Variants in GAREM2 observed in about 807,000 individuals in gnomAD.
GAREM2 encodes GRB2 associated regulator of MAPK1 subtype 2.
A neutral mutation model predicts 55.6 loss-of-function variants in GAREM2; 30 were observed. That is an observed-to-expected ratio of 0.54 (90% CI 0.40 to 0.73). The LOEUF is 0.73. Among genes scored for constraint, GAREM2 ranks in the 30% least tolerant of loss-of-function variants. The probability of loss-of-function intolerance (pLI) is 0.00; values close to 1 mark genes in which losing one functional copy is unlikely to be tolerated. For synonymous variants in GAREM2, 550 were observed against 569.1 expected (o/e 0.97, Z 0.48); for missense variants, 1,075 against 1,257.7 (o/e 0.85, Z 2.20).
chr2:26,176,355 G>A lies in GAREM2; in HGVS notation c.124G>A (p.Glu42Lys), dbSNP rs772698775. 13 of 1,544,676 alleles carry A rather than the reference G, an allele frequency of 8.4e-6. No homozygotes were observed. Among genetic ancestry groups the A allele is most frequent in the Admixed American group, 2.0e-5 (1 of 50,348 alleles). The change falls in exon 2 of 6, where the codon GAG becomes AAG. Residue 42 changes from glutamate (E) to lysine (K), a missense_variant. By Grantham distance (56) the Glu-to-Lys change is moderately conservative (BLOSUM62 1). Around this residue, in one of 6 missense-constraint regions of GAREM2, gnomAD observed 230 missense variants for 310.6 expected, o/e 0.74. Transcript: ENST00000401533. ...LACLGPGEYA[E>K]GVSERDILLI... Reference sequence around the variant, plus strand: ...CTCCCCCTTCCCAGGGGAGTACGCCGAGGGCGTCAGTGAGCGAGACATCCT... The same window carrying A: ...CTCCCCCTTCCCAGGGGAGTACGCCAAGGGCGTCAGTGAGCGAGACATCCT...
downstream of GAREM2, chr2:26,193,838 G>A: frequency 7.9e-7 from 1 of 1,269,670 alleles, no homozygotes; most frequent in East Asian, 2.3e-5. Context: ...AGGGCTCCCT[G>A]TACTGGCTCC....
chr2:26,179,992 T>C lies in GAREM2; in HGVS notation c.254-2975T>C, dbSNP rs1668991771. On this transcript the variant is annotated intron_variant, in intron 2 of 5. Coordinates refer to ENST00000401533, the MANE Select transcript of GAREM2 (RefSeq NM_001168241.2). The surrounding 1 kb of genome is among the most constrained non-coding windows in gnomAD (Gnocchi z 4.7). ...TGAGGGGAGGAGGCTACTCAGTGCC[T>C]GCAGTTCCTGCTTCCCAAGTCCTAG... 6.6e-6 allele frequency among the ~76,000 whole-genome samples: 1 copy of C among 152,130 alleles called. No individual in the cohort carries two copies. The highest frequency in any genetic ancestry group is 2.1e-4 in the South Asian group (1 of 4,830).
Position 26,186,582 on chromosome 2 carries a change from T to C in GAREM2, c.1598+224T>C, listed in dbSNP as rs151296984. ...TGCCCACTTCAGCTTCTTTCTCTCT[T>C]AAATGTTGAGGAACGGATGGGAGCA... On this transcript the variant is annotated intron_variant, in intron 5 of 5. Coordinates refer to ENST00000401533, the MANE Select transcript of GAREM2 (RefSeq NM_001168241.2). 1.3e-3 allele frequency among the ~76,000 whole-genome samples: 192 copies of C among 152,274 alleles called. 1 individual carries two copies. Among genetic ancestry groups the C allele is most frequent in the South Asian group, 4.6e-3 (22 of 4,826 alleles).
chr2:26,198,546 C>A, the GAREM2 span, among the ~76,000 whole-genome samples: 1 of 151,664 alleles, frequency 6.6e-6, no homozygotes, highest in African/African-American at 2.4e-5. Flanking sequence ...AAATCTGGAA[C>A]AGGCAGAATC....
the GAREM2 span, among the ~76,000 whole-genome samples, chr2:26,202,634 G>A: frequency 2.7e-3 from 416 of 152,316 alleles, 1 homozygote; most frequent in Non-Finnish European, 4.6e-3. Flanking sequence ...TCAGCTATTC[G>A]TGAGGCTGAG....
At chr2:26,200,153 A>G in the GAREM2 span, among the ~76,000 whole-genome samples, 23 of 152,002 alleles carry the variant, frequency 1.5e-4, no homozygotes, top group Non-Finnish European at 2.5e-4. Flanking sequence ...TTGTTTGTTT[A>G]TTTATTTATT....
the GAREM2 span, chr2:26,197,844 G>A: frequency 2.4e-6 from 2 of 816,992 alleles, no homozygotes; most frequent in Non-Finnish European, 4.4e-6. Context: ...CCACATCAAA[G>A]CTAATGAGTG....
rs1467016043 is a variant in GAREM2 at position 26,179,812 on chromosome 2, G to C, written c.254-3155G>C. On this transcript the variant is annotated intron_variant, in intron 2 of 5. Coordinates refer to ENST00000401533, the MANE Select transcript of GAREM2 (RefSeq NM_001168241.2). This position sits in a 1 kb window ranked among gnomAD's most constrained non-coding sequence, Gnocchi z 4.7. ...TGGTGCTGGATGCCATGGTTACATC[G>C]ATCTTTCCTGCCACATCCTCCCCCA... 6.6e-6 allele frequency among the ~76,000 whole-genome samples: 1 copy of C among 152,110 alleles called. No homozygotes were observed. Among genetic ancestry groups the C allele is most frequent in the Non-Finnish European group, 1.5e-5 (1 of 67,984 alleles).
At chr2:26,191,253 C>G (rs779065171), downstream of GAREM2, 1 of 1,612,470 alleles carries the variant, frequency 6.2e-7, no homozygotes, top group Non-Finnish European at 8.5e-7. Context: ...GGCCTGCTCA[C>G]TGGTAGAACT....
the GAREM2 span, chr2:26,204,122 G>A: frequency 6.2e-7 from 1 of 1,613,784 alleles, no homozygotes; most frequent in Non-Finnish European, 8.5e-7. Flanking sequence ...TTTAAGTATA[G>A]TCTTTAGCCC....
Position 26,176,346 on chromosome 2 carries a change from G to T in GAREM2, c.115G>T (p.Glu39Ter). The T allele has an allele frequency of 6.5e-7, 1 of 1,539,886 alleles. No homozygotes were observed. The highest frequency in any genetic ancestry group is 8.8e-7 in the Non-Finnish European group (1 of 1,140,390). The change falls in exon 2 of 6, where the codon GAG becomes TAG. Residue 39 changes from glutamate to a stop codon, truncating the protein, a stop_gained and splice_region_variant. Transcript: ENST00000401533. LOFTEE classifies it high-confidence loss of function. ...LPTLACLGPG[E>*]YAEGVSERDI... Reference sequence around the variant, plus strand: ...TCTGTCCTCCTCCCCCTTCCCAGGGGAGTACGCCGAGGGCGTCAGTGAGCG... The same window carrying T: ...TCTGTCCTCCTCCCCCTTCCCAGGGTAGTACGCCGAGGGCGTCAGTGAGCG...
At chr2:26,181,564 C>T (rs556362080) in intron 2 of GAREM2, 4 of 152,352 alleles carry the variant, frequency 2.6e-5, no homozygotes, top group Admixed American at 6.5e-5. Flanking sequence ...CTGTATTTTA[C>T]ACAGATTTGT....
the GAREM2 span, among the ~76,000 whole-genome samples, chr2:26,197,072 C>T: frequency 6.6e-6 from 1 of 152,182 alleles, no homozygotes; most frequent in Non-Finnish European, 1.5e-5. Flanking sequence ...TTTTATAATT[C>T]CTGCCTACCT....
chr2:26,204,223 C>T, the GAREM2 span: 5,480 of 1,610,402 alleles, frequency 3.4e-3, 14 homozygotes, highest in Non-Finnish European at 3.6e-3. Context: ...AAATGACTTT[C>T]GGTAAACTGA....
chr2:26,193,739 T>C (rs1408040309), downstream of GAREM2: 1 of 1,614,046 alleles, frequency 6.2e-7, no homozygotes, highest in African/African-American at 1.3e-5. Context: ...AAGCTTGTGG[T>C]CAGGGAATCC....
At chr2:26,199,728 C>T in the GAREM2 span, among the ~76,000 whole-genome samples, 1 of 152,066 alleles carries the variant, frequency 6.6e-6, no homozygotes, top group Non-Finnish European at 1.5e-5. Flanking sequence ...AATTATTTAT[C>T]TTTTTTTCTT....
downstream of GAREM2, among the ~76,000 whole-genome samples, chr2:26,194,318 TG>T (rs1002481883): frequency 1.3e-5 from 2 of 151,988 alleles, no homozygotes; most frequent in South Asian, 2.1e-4. Flanking sequence ...GAAGACATGC[TG>T]GGGGGTGGGG....
In GAREM2 at chr2:26,184,781, G is replaced by A. The variant is rs1381711823; in HGVS notation, c.933G>A (p.Ala311=). The change falls in exon 4 of 6, where the codon GCG becomes GCA. Residue 311 remains alanine, a synonymous_variant. Transcript: ENST00000401533. ...TGGCGCTGCGCCGCGAGGGCCCGGC[G>A]CCGCTGCACTTCCTGCTGCTCACGG... The part of the protein sequence containing the change: ...LGLALRREGP[A]PLHFLLLTDT... 2 of 1,499,194 alleles carry A rather than the reference G, an allele frequency of 1.3e-6. No homozygotes were observed. Among genetic ancestry groups the A allele is most frequent in the Non-Finnish European group, 1.8e-6 (2 of 1,130,828 alleles). 92.9% of individuals were successfully genotyped at this position (1,499,194 alleles called of 1,614,324 possible). A position where few individuals can be genotyped will look rare whatever the true frequency, so the allele number is the denominator to read the frequency against.
At chr2:26,198,641 T>G in the GAREM2 span, among the ~76,000 whole-genome samples, 1 of 136,168 alleles carries the variant, frequency 7.3e-6, no homozygotes, top group Admixed American at 7.9e-5. Flanking sequence ...GCAATAAAAG[T>G]AAAGTACTGC....
Sources: gnomAD v4.1 joint callset for allele counts (sites outside exome capture counted in the v4.1 genomes callset) on GRCh38, gnomAD v4.1.1 for gene constraint, gnomAD v4.1.1 regional missense constraint, Gnocchi (gnomAD v3.1) non-coding constraint, MANE v1.5 for transcripts, NCBI Gene and HGNC (gene_info 2026-07-23, HGNC 2026-07-21) for gene names.